The following SORCS3 variants were observed in gnomAD, a reference collection of about 807,000 sequenced individuals.
The protein encoded by SORCS3 is VPS10 domain-containing receptor SorCS3.
In SORCS3, 57 loss-of-function variants were observed where a neutral mutation model predicts 146.3. The observed-to-expected ratio is 0.39, with a 90% confidence interval of 0.31 to 0.49. SORCS3 has a LOEUF of 0.49. Among genes scored for constraint, SORCS3 ranks in the 20% least tolerant of loss-of-function variants. The pLI, the probability that SORCS3 is intolerant of heterozygous loss-of-function variation, is 0.92. For synonymous variants in SORCS3, 653 were observed against 618.5 expected (o/e 1.06, Z -0.83); for missense variants, 1,341 against 1,575.5 (o/e 0.85, Z 2.52).
At chr10:104,670,772 G>A (rs1248442375) in intron 1 of SORCS3, among the ~76,000 whole-genome samples, 1 of 152,148 alleles carries the variant, frequency 6.6e-6, no homozygotes, top group Non-Finnish European at 1.5e-5. Flanking sequence ...GCTTTGGATA[G>A]TATTGACATT....
intron 3 of SORCS3, among the ~76,000 whole-genome samples, chr10:104,955,604 T>C (rs74155075): frequency 0.017 from 2,635 of 152,350 alleles, 70 homozygotes; most frequent in African/African-American, 0.06. Context: ...GAGGATTAGA[T>C]ACCTCACCCT....
At position 104,830,520 on chromosome 10, in the gene SORCS3, C is replaced by G. The variant is rs2017988467; in HGVS notation, c.628-12272C>G. 2.6e-5 allele frequency among the ~76,000 whole-genome samples: 4 copies of G among 152,314 alleles called. No homozygotes were observed. The South Asian group carries it at 8.3e-4, about 32-fold the overall frequency. ...GACCCATCCCCATTGCTTCCACCAC[C>G]TCTGTTGCTGCTGATGTGTTGTCAC... On this transcript the variant is annotated intron_variant, in intron 1 of 26. Coordinates refer to ENST00000369701, the MANE Select transcript of SORCS3 (RefSeq NM_014978.3).
chr10:105,222,490 A>C (rs1294696849), intron 19 of SORCS3, among the ~76,000 whole-genome samples: 2 of 152,182 alleles, frequency 1.3e-5, no homozygotes, highest in Non-Finnish European at 2.9e-5. Flanking sequence ...TGCTTATATC[A>C]GTTTTCTGAG....
intron 3 of SORCS3, among the ~76,000 whole-genome samples, chr10:104,937,680 C>A (rs2019274027): frequency 6.6e-6 from 1 of 152,182 alleles, no homozygotes; most frequent in Admixed American, 6.5e-5. Context: ...CCCACTCCAG[C>A]CAGATGCCTC....
chr10:104,686,799 C>G (rs1449520817), intron 1 of SORCS3, among the ~76,000 whole-genome samples: 3 of 152,154 alleles, frequency 2.0e-5, no homozygotes, highest in African/African-American at 7.2e-5. Context: ...CAAACCCACC[C>G]CGTCTCAGGA....
At chr10:104,790,013 A>G (rs898059326) in intron 1 of SORCS3, among the ~76,000 whole-genome samples, 3 of 152,192 alleles carry the variant, frequency 2.0e-5, no homozygotes, top group African/African-American at 7.2e-5. Context: ...TCTTCTCAGT[A>G]ACTAACCTAT....
At chr10:104,877,942 T>C (rs1174905748) in intron 2 of SORCS3, among the ~76,000 whole-genome samples, 4 of 152,246 alleles carry the variant, frequency 2.6e-5, no homozygotes, top group Non-Finnish European at 5.9e-5. Flanking sequence ...ATCTGTTTAC[T>C]TATTTATACA....
chr10:105,219,747 A>G (rs2056687718), intron 19 of SORCS3, among the ~76,000 whole-genome samples: 1 of 152,320 alleles, frequency 6.6e-6, no homozygotes, highest in South Asian at 2.1e-4. Context: ...AAGAAGGAAA[A>G]TGAACTTCAC....
chr10:104,752,819 A>G (rs1385889696), intron 1 of SORCS3, among the ~76,000 whole-genome samples: 3 of 152,230 alleles, frequency 2.0e-5, no homozygotes, highest in South Asian at 2.1e-4. Flanking sequence ...CTATCAACTT[A>G]AAATAGAGAG....
chr10:105,255,253 A>C (rs1431598141), intron 23 of SORCS3, among the ~76,000 whole-genome samples: 3 of 151,478 alleles, frequency 2.0e-5, no homozygotes, highest in Non-Finnish European at 4.4e-5. Flanking sequence ...GTTCTCACTC[A>C]TAGGTGGGAA....
At chr10:104,720,441 G>C (rs1467279958) in intron 1 of SORCS3, among the ~76,000 whole-genome samples, 1 of 152,184 alleles carries the variant, frequency 6.6e-6, no homozygotes, top group African/African-American at 2.4e-5. Context: ...AAACATAAGT[G>C]TGCATGTGTC....
At chr10:105,166,163 G>A (rs964456881) in intron 12 of SORCS3, among the ~76,000 whole-genome samples, 1 of 152,102 alleles carries the variant, frequency 6.6e-6, no homozygotes. Flanking sequence ...TAAAAAAAGA[G>A]GTTTAGGACT....
At chr10:104,803,600 C>T (rs1290180058) in intron 1 of SORCS3, among the ~76,000 whole-genome samples, 1 of 152,176 alleles carries the variant, frequency 6.6e-6, no homozygotes. Flanking sequence ...TTTCTATAAT[C>T]CTGTGTGTTG....
intron 1 of SORCS3, among the ~76,000 whole-genome samples, chr10:104,770,069 C>G (rs746480825): frequency 2.6e-5 from 4 of 152,112 alleles, no homozygotes; most frequent in Admixed American, 6.5e-5. Context: ...TCAGGAATAT[C>G]CAACTATTAA....
At chr10:104,678,901 A>C (rs1416737840) in intron 1 of SORCS3, among the ~76,000 whole-genome samples, 1 of 152,204 alleles carries the variant, frequency 6.6e-6, no homozygotes, top group Admixed American at 6.5e-5. Context: ...GGAAAGCAGG[A>C]CAGGGAAGGA....
chr10:104,936,466 G>A (rs1330043309), intron 3 of SORCS3, among the ~76,000 whole-genome samples: 1 of 152,162 alleles, frequency 6.6e-6, no homozygotes, highest in Non-Finnish European at 1.5e-5. Flanking sequence ...TTGAGTGGCT[G>A]GGTAAATGAA....
chr10:105,239,631 C>G (rs1589704011), intron 20 of SORCS3, among the ~76,000 whole-genome samples: 4 of 152,184 alleles, frequency 2.6e-5, no homozygotes, highest in Non-Finnish European at 4.4e-5. Context: ...TTCTAAGGGG[C>G]CTCCCTGTGG....
chr10:104,866,486 G>A (rs1055506832), intron 2 of SORCS3, among the ~76,000 whole-genome samples: 2 of 152,034 alleles, frequency 1.3e-5, no homozygotes, highest in African/African-American at 2.4e-5. Flanking sequence ...ACTTCCTTAG[G>A]CTGTGTGAAA....
chr10:104,847,244 T>C (rs994230527), intron 2 of SORCS3, among the ~76,000 whole-genome samples: 1 of 152,210 alleles, frequency 6.6e-6, no homozygotes, highest in Non-Finnish European at 1.5e-5. Flanking sequence ...ACTCTGATAG[T>C]GCCAATTAAT....
Sources: gnomAD v4.1 joint callset for allele counts (sites outside exome capture counted in the v4.1 genomes callset) on GRCh38, gnomAD v4.1.1 for gene constraint, MANE v1.5 for transcripts, NCBI Gene and HGNC (gene_info 2026-07-23, HGNC 2026-07-21) for gene names.